The following CENPC variants were observed in gnomAD, a reference collection of about 807,000 sequenced individuals.
The protein encoded by CENPC is CENP-C 1.
In CENPC, 63 loss-of-function variants were observed where a neutral mutation model predicts 112.1. That is an observed-to-expected ratio of 0.56 (90% CI 0.46 to 0.69). The LOEUF is 0.69. Ranked by LOEUF, CENPC falls within the 30% of genes least tolerant of loss-of-function variation. The pLI is 0.00. For synonymous variants in CENPC, 333 were observed against 367.6 expected, an observed-to-expected ratio of 0.91 and a Z score of 1.08; for missense variants, 1,000 against 1,103.8, an observed-to-expected ratio of 0.91 and a Z score of 1.33.
intron 5 of CENPC, among the ~76,000 whole-genome samples, chr4:67,522,995 C>A (rs1280255860): frequency 6.7e-6 from 1 of 149,972 alleles, no homozygotes; most frequent in Non-Finnish European, 1.5e-5. Context: ...GGCAAAATTC[C>A]ATCTCAAAAA....
At chr4:67,496,918 C>T (rs974716056) in intron 12 of CENPC, among the ~76,000 whole-genome samples, 1 of 109,804 alleles carries the variant, frequency 9.1e-6, no homozygotes, top group African/African-American at 3.6e-5. Flanking sequence ...AATTCAATTT[C>T]CTATGCAGTC....
intron 12 of CENPC, 33 bp downstream of exon 12, chr4:67,505,171 TA>T: frequency 6.9e-7 from 1 of 1,445,896 alleles, no homozygotes; most frequent in Admixed American, 2.2e-5. Flanking sequence ...CATAATGCCA[TA>T]AAAATCAAGA....
chr4:67,472,105 C>T lies in CENPC; in HGVS notation c.*500G>A, dbSNP rs1459088856. 4 of 152,148 alleles carry T rather than the reference C, an allele frequency of 2.6e-5. No individual in the cohort carries two copies. The highest frequency in any genetic ancestry group is 1.9e-4 in the East Asian group (1 of 5,196). The allele number at this position is 152,148 out of a possible 1,614,324, so 9.4% of individuals were successfully genotyped here. A position where few individuals can be genotyped will look rare whatever the true frequency, so the allele number is the denominator to read the frequency against. On this transcript the variant is annotated 3_prime_UTR_variant, in exon 19 of 19. Transcript: ENST00000273853. ...CAAAGACATCACGGCCTTGACAACA[C>T]CTTGATTTCAGACTTCTAGCCTCTA...
chr4:67,487,475 A>C (rs1161880558), intron 17 of CENPC, among the ~76,000 whole-genome samples: 1 of 151,746 alleles, frequency 6.6e-6, no homozygotes, highest in African/African-American at 2.4e-5. Context: ...CCCAATCTTA[A>C]TGGTTTCTGA....
At chr4:67,478,629 AACACAC>A (rs200741539) in intron 17 of CENPC, among the ~76,000 whole-genome samples, 353 of 81,932 alleles carry the variant, frequency 4.3e-3, no homozygotes, top group Non-Finnish European at 6.8e-3. Flanking sequence ...GGGTCTATAA[AACACAC>A]ACACACACAC....
rs931844963 is a variant in CENPC, at chr4:67,470,096, A to G, written c.*2509T>C. Reference sequence around the variant, plus strand: ...CTACTGTATCAGCCATTATAGCCCTAGAAGTTGGCTGAACAGTTGGCTGAA... The same window carrying G: ...CTACTGTATCAGCCATTATAGCCCTGGAAGTTGGCTGAACAGTTGGCTGAA... On this transcript the variant is annotated 3_prime_UTR_variant, in exon 19 of 19. Coordinates refer to ENST00000273853, the MANE Select transcript of CENPC (RefSeq NM_001812.4). The G allele has an allele frequency of 1.3e-5, 2 of 152,218 alleles. No homozygotes were observed. Among genetic ancestry groups the G allele is most frequent in the African/African-American group, 4.8e-5 (2 of 41,464 alleles). The allele number at this position is 152,218 out of a possible 1,614,324, so 9.4% of individuals were successfully genotyped here.
At chr4:67,483,045 C>T (rs893183425) in intron 17 of CENPC, among the ~76,000 whole-genome samples, 2 of 152,114 alleles carry the variant, frequency 1.3e-5, no homozygotes, top group African/African-American at 2.4e-5. Context: ...TTTTCCCCCT[C>T]GCTTGGCAAT....
chr4:67,499,194 A>G (rs1380536419), intron 12 of CENPC, among the ~76,000 whole-genome samples: 1 of 152,218 alleles, frequency 6.6e-6, no homozygotes, highest in Non-Finnish European at 1.5e-5. Flanking sequence ...GTAAATGAGC[A>G]CTAGCTTCAA....
intron 17 of CENPC, among the ~76,000 whole-genome samples, chr4:67,482,109 A>G (rs1724973578): frequency 6.6e-6 from 1 of 152,188 alleles, no homozygotes; most frequent in Admixed American, 6.5e-5. Flanking sequence ...GGCTAAGGAC[A>G]TGAATAGACA....
At chr4:67,492,058 T>C (rs1384652603) in intron 16 of CENPC, 122 bp downstream of exon 16, 4 of 635,704 alleles carry the variant, frequency 6.3e-6, no homozygotes, top group South Asian at 2.3e-5. Flanking sequence ...TAGACTCTTC[T>C]GGACTTTAGC....
chr4:67,514,270 A>C lies in CENPC; in HGVS notation c.1248T>G (p.Thr416=), dbSNP rs1335553105. The change falls in exon 8 of 19, where the codon ACT becomes ACG. Residue 416 remains threonine (T), a synonymous_variant. Transcript: ENST00000273853. The part of the protein sequence containing the change: ...NAEKPSRSKR[T]IKQKQRRKFM... ...ATTTTCTTCTCTGTTTTTGTTTTATAGTCCTTTTGCTTCTAGATGGTTTTT... is the reference window on the plus strand; with the variant it reads ...ATTTTCTTCTCTGTTTTTGTTTTATCGTCCTTTTGCTTCTAGATGGTTTTT... 1.2e-6 allele frequency: 2 copies of C among 1,611,220 alleles called. No individual in the cohort carries two copies. The highest frequency in any genetic ancestry group is 4.5e-5 in the East Asian group (2 of 44,786).
At chr4:67,499,971 C>T (rs1268888417) in intron 12 of CENPC, among the ~76,000 whole-genome samples, 3 of 152,126 alleles carry the variant, frequency 2.0e-5, no homozygotes, top group Admixed American at 1.3e-4. Flanking sequence ...ACTGGCCAGT[C>T]AGCAGAGCAG....
Position 67,474,938 on chromosome 4 carries a change from T to C in CENPC, c.2711A>G (p.His904Arg). The change falls in exon 18 of 19, where the codon CAT becomes CGT. Residue 904 changes from histidine (H) to arginine (R), a missense_variant. Coordinates refer to ENST00000273853, the MANE Select transcript of CENPC (RefSeq NM_001812.4). ...VNFGDLLCTLHETPYILSTGD... is the reference protein window; with the variant it reads ...VNFGDLLCTLRETPYILSTGD... Reference sequence around the variant, plus strand: ...AGTACTTAATATATAAGGTGTTTCATGTAAAGTACACAAAAGGTCACCAAA... The same window carrying C: ...AGTACTTAATATATAAGGTGTTTCACGTAAAGTACACAAAAGGTCACCAAA... The C allele has an allele frequency of 6.3e-7, 1 of 1,581,482 alleles. No homozygotes were observed. Among genetic ancestry groups the C allele is most frequent in the Non-Finnish European group, 8.6e-7 (1 of 1,161,386 alleles).
Position 67,519,330 on chromosome 4 carries a change from A to C in CENPC, c.504T>G (p.Ser168=). ...TAGATGGAATAACATTTTGTGATAC[A>C]GATGTTTTTGCATCCAAAAGAACAG... ...SPSVLLDAKT[S]VSQNVIPSSA... The change falls in exon 6 of 19, where the codon TCT becomes TCG. Residue 168 remains serine, a synonymous_variant. Transcript: ENST00000273853. 1 of 1,612,948 alleles carries C rather than the reference A, an allele frequency of 6.2e-7. No homozygotes were observed.
At chr4:67,516,547 G>T (rs1726061384) in intron 7 of CENPC, among the ~76,000 whole-genome samples, 1 of 151,908 alleles carries the variant, frequency 6.6e-6, no homozygotes, top group African/African-American at 2.4e-5. Context: ...GCAAACTCCT[G>T]ACAAATCTTA....
chr4:67,538,042 T>G (rs2646269), intron 4 of CENPC, among the ~76,000 whole-genome samples: 13,865 of 152,096 alleles, frequency 0.091, 863 homozygotes, highest in African/African-American at 0.17. Flanking sequence ...AAGAGAAAAC[T>G]CCTATGAATT....
intron 9 of CENPC, among the ~76,000 whole-genome samples, chr4:67,510,174 A>G (rs1725855893): frequency 6.6e-6 from 1 of 152,158 alleles, no homozygotes; most frequent in African/African-American, 2.4e-5. Flanking sequence ...AGGGCCCAGT[A>G]ACCTGTGCCT....
Position 67,512,580 on chromosome 4 carries a change from G to T in CENPC, c.1445-11C>A, listed in dbSNP as rs369612950. The T allele has an allele frequency of 2.7e-5, 40 of 1,489,764 alleles. No homozygotes were observed. In the African/African-American group the frequency reaches 5.6e-4, roughly 21 times the overall value. The allele number at this position is 1,489,764 out of a possible 1,614,324, so 92.3% of individuals were successfully genotyped here. A position where few individuals can be genotyped will look rare whatever the true frequency, so the allele number is the denominator to read the frequency against. ...TACTTTTCTTGCTTCCTAAAATAAA[G>T]AAAACCATAAAACCAATTCACAATC... is the stretch of plus-strand genomic sequence containing the variant. On this transcript the variant is annotated splice_polypyrimidine_tract_variant and intron_variant, in intron 8 of 18. Transcript: ENST00000273853.
intron 12 of CENPC, among the ~76,000 whole-genome samples, chr4:67,495,850 A>G (rs1725417974): frequency 2.0e-5 from 3 of 152,190 alleles, no homozygotes; most frequent in Admixed American, 1.3e-4. Context: ...GGGGTTCTCA[A>G]CTTTGGTAAC....
Sources: gnomAD v4.1 joint callset for allele counts (sites outside exome capture counted in the v4.1 genomes callset) on GRCh38, gnomAD v4.1.1 for gene constraint, MANE v1.5 for transcripts, NCBI Gene and HGNC (gene_info 2026-07-23, HGNC 2026-07-21) for gene names.